Variants in ELFN1 observed in about 807,000 individuals in gnomAD.
ELFN1 encodes the protein protein ELFN1.
Under a neutral mutation model 7.6 loss-of-function variants are expected in ELFN1, and 6 were observed. The ratio of observed to expected loss-of-function variants is 0.79; its 90% confidence interval spans 0.43 to 1.56. The LOEUF is 1.56. ELFN1 is among the 40% of genes most tolerant of loss of function. The probability of loss-of-function intolerance (pLI) is 0.01; values close to 1 mark genes in which losing one functional copy is unlikely to be tolerated. For synonymous variants in ELFN1, 657 were observed against 588.1 expected, an observed-to-expected ratio of 1.12 and a Z score of -1.70; for missense variants, 1,169 against 1,232.2, an observed-to-expected ratio of 0.95 and a Z score of 0.77.
chr7:1,738,866 A>G (rs940733010), intron 3 of ELFN1: 3 of 151,690 alleles, frequency 2.0e-5, no homozygotes, highest in African/African-American at 7.3e-5. Context: ...ACCAAGCAGA[A>G]CATCAGGGAG....
chr7:1,683,757 C>T (rs892306121), intron 1 of ELFN1, among the ~76,000 whole-genome samples: 14 of 152,200 alleles, frequency 9.2e-5, no homozygotes, highest in African/African-American at 3.4e-4. Flanking sequence ...ATAACTGTTA[C>T]ATATTCCTGA....
intron 2 of ELFN1, among the ~76,000 whole-genome samples, chr7:1,689,922 G>T (rs1021913601): frequency 6.6e-6 from 1 of 152,194 alleles, no homozygotes; most frequent in African/African-American, 2.4e-5. Context: ...TCACAGAATG[G>T]GAACCCCTTG....
chr7:1,727,800 G>A (rs1245635964), intron 3 of ELFN1, among the ~76,000 whole-genome samples: 5 of 152,098 alleles, frequency 3.3e-5, no homozygotes, highest in East Asian at 1.9e-4. Context: ...CATAGATGGG[G>A]TCTTGCTTTG....
At chr7:1,699,295 A>G (rs151112481) in intron 2 of ELFN1, among the ~76,000 whole-genome samples, 141 of 152,222 alleles carry the variant, frequency 9.3e-4, no homozygotes, top group African/African-American at 3.3e-3. Context: ...ATCTCTGTCC[A>G]TCTTGAGAAT....
intron 3 of ELFN1, among the ~76,000 whole-genome samples, chr7:1,719,521 G>T (rs1410850583): frequency 6.6e-6 from 1 of 152,202 alleles, no homozygotes; most frequent in Non-Finnish European, 1.5e-5. Flanking sequence ...CTTAGACATG[G>T]CCCTGTTGTT....
In ELFN1 at chr7:1,673,170, GTGTT is replaced by G. The variant is rs1026184719; in HGVS notation, c.-549+2820_-549+2823del. Among the ~76,000 whole-genome samples, 1 of 152,156 alleles carries G rather than the reference GTGTT, an allele frequency of 6.6e-6. No homozygotes were observed. Among genetic ancestry groups the G allele is most frequent in the Non-Finnish European group, 1.5e-5 (1 of 68,032 alleles). ...TCAGGTGTCAAGTGGCCTTGGGTGG[GTGTT>G]TGTGGGGGTGGCTGGTGGTGGAGCC... On this transcript the variant is annotated intron_variant, in intron 1 of 3. Transcript: ENST00000424383. The surrounding 1 kb of genome is among the most constrained non-coding windows in gnomAD (Gnocchi z 4.7).
chr7:1,728,800 C>T lies in ELFN1; in HGVS notation c.-293-15504C>T, dbSNP rs117492639. ...CTGAGTGGGAGGATCCAGCTCCACC[C>T]GGGTCCCAGCTCCTGTCGGGGAAGG... is the stretch of plus-strand genomic sequence containing the variant. On this transcript the variant is annotated intron_variant, in intron 3 of 3. Transcript: ENST00000424383. Among the ~76,000 whole-genome samples the T allele has an allele frequency of 2.4e-3, 362 of 152,296 alleles. 1 individual carries two copies. The highest frequency in any genetic ancestry group is 3.1e-3 in the African/African-American group (128 of 41,546).
intron 3 of ELFN1, among the ~76,000 whole-genome samples, chr7:1,722,298 ACT>A (rs1302881584): frequency 7.3e-6 from 1 of 136,520 alleles, no homozygotes; most frequent in African/African-American, 2.8e-5. Flanking sequence ...ATGGAGTCTC[ACT>A]CTGTCACCCA....
intron 3 of ELFN1, among the ~76,000 whole-genome samples, chr7:1,721,695 G>C (rs918955010): frequency 6.6e-6 from 1 of 152,178 alleles, no homozygotes; most frequent in Non-Finnish European, 1.5e-5. Flanking sequence ...GGCCTGTCAG[G>C]GTCGAGGAGG....
chr7:1,683,435 A>G (rs1779009656), intron 1 of ELFN1, among the ~76,000 whole-genome samples: 1 of 152,162 alleles, frequency 6.6e-6, no homozygotes, highest in African/African-American at 2.4e-5. Flanking sequence ...TGTTCACTTC[A>G]TCTAAATTAG....
intron 3 of ELFN1, among the ~76,000 whole-genome samples, chr7:1,712,624 G>T (rs924210663): frequency 2.0e-5 from 3 of 151,580 alleles, no homozygotes; most frequent in Admixed American, 2.0e-4. Flanking sequence ...TAGAGACGGG[G>T]TTTCGCCATG....
intron 3 of ELFN1, among the ~76,000 whole-genome samples, chr7:1,710,868 C>A (rs533140295): frequency 2.6e-5 from 4 of 152,228 alleles, no homozygotes; most frequent in Non-Finnish European, 5.9e-5. Flanking sequence ...GGATCATGAA[C>A]CCAACTTTCT....
intron 2 of ELFN1, chr7:1,692,881 C>T (rs553499440): frequency 2.8e-5 from 5 of 175,572 alleles, no homozygotes; most frequent in East Asian, 1.3e-4. Flanking sequence ...AGTGAAAGAA[C>T]GCCCAGTGGG....
At chr7:1,741,995 C>G (rs1243712720) in intron 3 of ELFN1, among the ~76,000 whole-genome samples, 2 of 152,210 alleles carry the variant, frequency 1.3e-5, no homozygotes, top group Non-Finnish European at 2.9e-5. Context: ...CTGGCACACA[C>G]ATACGAGGGC....
At chr7:1,696,855 C>T (rs1048985718) in intron 2 of ELFN1, among the ~76,000 whole-genome samples, 3 of 152,188 alleles carry the variant, frequency 2.0e-5, no homozygotes, top group African/African-American at 4.8e-5. Context: ...CTTCAGCCCA[C>T]GGCACTGCCC....
At chr7:1,718,615 G>A (rs970889340) in intron 3 of ELFN1, among the ~76,000 whole-genome samples, 3 of 152,188 alleles carry the variant, frequency 2.0e-5, no homozygotes, top group Admixed American at 6.5e-5. Flanking sequence ...AAGAGGTGGC[G>A]TTTGCAGTGA....
Position 1,717,873 on chromosome 7 carries a change from G to T in ELFN1, c.-294+8621G>T, listed in dbSNP as rs78706194. 1.1e-4 allele frequency among the ~76,000 whole-genome samples: 17 copies of T among 152,290 alleles called. No homozygotes were observed. In the East Asian group the frequency reaches 1.3e-3, roughly 12 times the overall value. On this transcript the variant is annotated intron_variant, in intron 3 of 3. Coordinates refer to ENST00000424383, the MANE Select transcript of ELFN1 (RefSeq NM_001128636.4). The stretch of plus-strand genomic sequence containing the variant: ...TGCTTCTCCTCCCTTCCCCCTATGC[G>T]CAGAGTACCTCCAGATTGTGCCAGG...
chr7:1,678,413 A>G (rs1037358149), intron 1 of ELFN1, among the ~76,000 whole-genome samples: 1 of 152,172 alleles, frequency 6.6e-6, no homozygotes, highest in Non-Finnish European at 1.5e-5. Context: ...GGCCCGCGCC[A>G]CTGGGAATCT....
At chr7:1,668,983 A>C (rs1245266852), upstream of ELFN1, among the ~76,000 whole-genome samples, 1 of 152,194 alleles carries the variant, frequency 6.6e-6, no homozygotes, top group Non-Finnish European at 1.5e-5. Flanking sequence ...AGCCCCACCC[A>C]GCCAGCCGAA....
Sources: gnomAD v4.1 joint callset for allele counts (sites outside exome capture counted in the v4.1 genomes callset) on GRCh38, gnomAD v4.1.1 for gene constraint, Gnocchi (gnomAD v3.1) non-coding constraint, MANE v1.5 for transcripts, NCBI Gene and HGNC (gene_info 2026-07-23, HGNC 2026-07-21) for gene names.